Variants in FSTL1 observed in about 807,000 individuals in gnomAD.
The protein encoded by FSTL1 is follistatin like 1.
In FSTL1, 24 loss-of-function variants were observed where a neutral mutation model predicts 45.9. The ratio of observed to expected loss-of-function variants is 0.52; its 90% CI spans 0.38 to 0.74. The LOEUF (loss-of-function observed/expected upper bound fraction) is 0.74, where lower values mean the gene tolerates loss of function less well. Ranked by LOEUF, FSTL1 falls within the 30% of genes least tolerant of loss-of-function variation. The pLI is 0.00. For missense variants in FSTL1, 340 were observed against 381.8 expected (o/e 0.89, Z 0.91); for synonymous variants, 120 against 137.6 (o/e 0.87, Z 0.89).
At chr3:120,442,226 C>A (rs1937636988) in intron 2 of FSTL1, among the ~76,000 whole-genome samples, 1 of 152,194 alleles carries the variant, frequency 6.6e-6, no homozygotes, top group African/African-American at 2.4e-5. Context: ...AGGAATGATT[C>A]CCATTCTACT....
intron 2 of FSTL1, among the ~76,000 whole-genome samples, chr3:120,446,431 A>T (rs1156311266): frequency 6.6e-6 from 1 of 152,204 alleles, no homozygotes; most frequent in Non-Finnish European, 1.5e-5. Flanking sequence ...TCCACCTTCT[A>T]AAGCCACTTG....
intron 10 of FSTL1, 94 bp from the exon 11 acceptor site, chr3:120,397,090 A>G: frequency 1.0e-6 from 1 of 998,732 alleles, no homozygotes. Flanking sequence ...TGGCATTTAC[A>G]AGCTTATGCT....
At chr3:120,403,970 AAACAAAAAAAAAC>A (rs1936893798) in intron 7 of FSTL1, among the ~76,000 whole-genome samples, 1 of 109,600 alleles carries the variant, frequency 9.1e-6, no homozygotes, top group Non-Finnish European at 1.8e-5. Flanking sequence ...ACAAAAACAA[AAACAAAAAAAAAC>A]AAAAAACAAA....
intron 2 of FSTL1, among the ~76,000 whole-genome samples, chr3:120,445,540 T>A (rs1295778220): frequency 1.3e-5 from 2 of 149,454 alleles, no homozygotes; most frequent in Admixed American, 1.3e-4. Context: ...TTCATACCTT[T>A]CTGTACTAAC....
At chr3:120,410,012 T>G (rs1199764793) in intron 5 of FSTL1, 4 of 176,722 alleles carry the variant, frequency 2.3e-5, no homozygotes, top group Non-Finnish European at 3.6e-5. Context: ...AAAGATGAGC[T>G]GAAATAATAC....
intron 2 of FSTL1, chr3:120,438,117 T>C (rs1404377467): frequency 6.6e-6 from 1 of 152,236 alleles, no homozygotes; most frequent in East Asian, 1.9e-4. Context: ...AGACAACTAT[T>C]TCTGTAAGCC....
rs1936788578 is a variant in FSTL1, at chr3:120,399,974, A to G, written c.806-15T>C. The G allele has an allele frequency of 2.5e-6, 4 of 1,584,132 alleles. No homozygotes were observed. The East Asian group carries it at 9.0e-5, about 36-fold the overall frequency. On this transcript the variant is annotated splice_polypyrimidine_tract_variant and intron_variant, in intron 9 of 10. Transcript: ENST00000295633. ...CTGATTCTTTCCTGCAAGAAGAACC[A>G]AAGCTCAGAGCAGTAGCAGCTGTGG... is the stretch of plus-strand genomic sequence containing the variant.
At chr3:120,439,635 C>T (rs1049770157) in intron 2 of FSTL1, among the ~76,000 whole-genome samples, 1 of 152,176 alleles carries the variant, frequency 6.6e-6, no homozygotes, top group Admixed American at 6.5e-5. Flanking sequence ...AAAAAATGTG[C>T]TCCTTCCTGT....
intron 2 of FSTL1, among the ~76,000 whole-genome samples, chr3:120,441,951 C>T (rs1016302312): frequency 1.3e-5 from 2 of 152,146 alleles, no homozygotes; most frequent in African/African-American, 2.4e-5. Context: ...CAGGTCTGAG[C>T]GCTAAGCCAT....
At position 120,395,785 on chromosome 3, in the gene FSTL1, G is replaced by A; in HGVS notation, c.*1167C>T. On this transcript the variant is annotated 3_prime_UTR_variant, in exon 11 of 11. Coordinates refer to ENST00000295633, the MANE Select transcript of FSTL1 (RefSeq NM_007085.5). ...TCAAAAGGTTAGTGCATTCTTACCA[G>A]CTCACTGAGGAAACTGAGGTCCAGA... 1 of 514,312 alleles carries A rather than the reference G, an allele frequency of 1.9e-6. No individual in the cohort carries two copies. The highest frequency in any genetic ancestry group is 3.9e-6 in the Non-Finnish European group (1 of 253,556). 31.9% of individuals were successfully genotyped at this position (514,312 alleles called of 1,614,324 possible). A position where few individuals can be genotyped will look rare whatever the true frequency, so the allele number is the denominator to read the frequency against.
chr3:120,409,905 T>C (rs1222292433), intron 5 of FSTL1: 1 of 346,356 alleles, frequency 2.9e-6, no homozygotes. Flanking sequence ...TTGCTGCTTA[T>C]GTGAGAAATA....
At position 120,441,673 on chromosome 3, in the gene FSTL1, TAC is replaced by T. The variant is rs141128262; in HGVS notation, c.63+9009_63+9010del. 7.9e-5 allele frequency among the ~76,000 whole-genome samples: 12 copies of T among 151,786 alleles called. No individual in the cohort carries two copies. In the South Asian group the frequency reaches 1.0e-3, roughly 13 times the overall value. ...GCAAACACACGTGTGTACACACATGTACACACACACACACGCACCCATGGCTT... is the reference window on the plus strand; with the variant it reads ...GCAAACACACGTGTGTACACACATGTACACACACACACGCACCCATGGCTT... On this transcript the variant is annotated intron_variant, in intron 2 of 10. Transcript: ENST00000295633.
chr3:120,449,468 T>C (rs538966630), intron 2 of FSTL1, among the ~76,000 whole-genome samples: 1 of 152,302 alleles, frequency 6.6e-6, no homozygotes, highest in East Asian at 1.9e-4. Context: ...GCTGAGAGCA[T>C]TGGGTAACCT....
chr3:120,429,956 A>G (rs916341377), intron 2 of FSTL1, among the ~76,000 whole-genome samples: 38 of 152,186 alleles, frequency 2.5e-4, no homozygotes, highest in African/African-American at 8.7e-4. Context: ...GAGACCTAAT[A>G]TATCTGCCCC....
intron 6 of FSTL1, among the ~76,000 whole-genome samples, chr3:120,408,217 A>G (rs1936983904): frequency 6.6e-6 from 1 of 152,168 alleles, no homozygotes; most frequent in Admixed American, 6.5e-5. Context: ...GCTCAGCACT[A>G]TGATGTGTTT....
At chr3:120,424,074 T>C (rs1483786061) in intron 2 of FSTL1, 1 of 152,286 alleles carries the variant, frequency 6.6e-6, no homozygotes, top group Non-Finnish European at 1.5e-5. Context: ...ATTTGATGAA[T>C]GCCTGTAACA....
chr3:120,447,269 A>G (rs746293760), intron 2 of FSTL1, among the ~76,000 whole-genome samples: 11 of 152,232 alleles, frequency 7.2e-5, no homozygotes, highest in African/African-American at 7.2e-5. Context: ...GGGATGGGAA[A>G]GAGTAGATGA....
intron 2 of FSTL1, among the ~76,000 whole-genome samples, chr3:120,429,350 A>G (rs1360299129): frequency 6.6e-6 from 1 of 152,228 alleles, no homozygotes; most frequent in Non-Finnish European, 1.5e-5. Context: ...ATCACTCTGG[A>G]GCACCCATGA....
intron 3 of FSTL1, among the ~76,000 whole-genome samples, chr3:120,415,319 C>A (rs1937168279): frequency 6.6e-6 from 1 of 152,176 alleles, no homozygotes; most frequent in African/African-American, 2.4e-5. Context: ...GAATGTCCAT[C>A]TATGGGAAAA....
Sources: allele counts gnomAD v4.1 joint callset (sites outside exome capture counted in the v4.1 genomes callset), GRCh38; gene constraint gnomAD v4.1.1; transcripts MANE v1.5; gene names NCBI Gene and HGNC (gene_info 2026-07-23, HGNC 2026-07-21).